The following MAP4 variants were observed in gnomAD, a reference collection of about 807,000 sequenced individuals.
MAP4 encodes the protein microtubule associated protein 4, also known as microtubule-associated protein 4.
A neutral mutation model predicts 170.2 loss-of-function variants in MAP4; 76 were observed. That is an observed-to-expected ratio of 0.45 (90% CI 0.37 to 0.54). MAP4 has a LOEUF of 0.54. Among genes scored for constraint, MAP4 ranks in the 20% least tolerant of loss-of-function variants. The pLI, the probability that MAP4 is intolerant of heterozygous loss-of-function variation, is 0.00. For missense variants in MAP4, 2,506 were observed against 2,748.0 expected, an observed-to-expected ratio of 0.91 and a Z score of 1.97; for synonymous variants, 909 against 994.5, an observed-to-expected ratio of 0.91 and a Z score of 1.62.
Position 47,911,262 on chromosome 3 carries a change from C to T in MAP4, c.3159G>A (p.Lys1053=). ...QVPGVENEPF[K]RMAGDGKSRK... ...TGCTTTTGCCATCACCTGCCATTCT[C>T]TTAAATGGTTCATTCTCTACCCCAG... Residue 1053 remains lysine (K), a synonymous_variant, in exon 9 of 21, where the codon AAG becomes AAA. Coordinates refer to ENST00000683076, the MANE Select transcript of MAP4 (RefSeq NM_001385682.1). This position sits in a 1 kb window ranked among gnomAD's most constrained non-coding sequence, Gnocchi z 4.0. 2 of 1,536,142 alleles carry T rather than the reference C, an allele frequency of 1.3e-6. No homozygotes were observed. The highest frequency in any genetic ancestry group is 8.7e-7 in the Non-Finnish European group (1 of 1,146,916).
chr3:48,087,725 ACGCGCACACACACGCACG>A (rs1166524810), intron 1 of MAP4, among the ~76,000 whole-genome samples: 6 of 136,556 alleles, frequency 4.4e-5, no homozygotes, highest in East Asian at 2.2e-4. Context: ...ATACACACGC[ACGCGCACACACACGCACG>A]CGCACACACA....
chr3:47,887,104 G>A (rs1577080673), intron 10 of MAP4, among the ~76,000 whole-genome samples: 2 of 152,376 alleles, frequency 1.3e-5, no homozygotes, highest in African/African-American at 2.4e-5. Flanking sequence ...CCACTTTGGC[G>A]GCACTTGAGG....
intron 17 of MAP4, among the ~76,000 whole-genome samples, chr3:47,860,365 G>A (rs1256638850): frequency 6.6e-6 from 1 of 152,154 alleles, no homozygotes; most frequent in East Asian, 1.9e-4. Context: ...GCTAATTTTT[G>A]CATTTTTTTG....
intron 5 of MAP4, among the ~76,000 whole-genome samples, chr3:47,919,281 C>T (rs1050114118): frequency 1.3e-5 from 2 of 151,492 alleles, no homozygotes; most frequent in Non-Finnish European, 1.5e-5. Context: ...CAGGAAGACA[C>T]AGACTAATAA....
At chr3:47,918,081 C>T (rs2100040739) in intron 6 of MAP4, among the ~76,000 whole-genome samples, 2 of 152,322 alleles carry the variant, frequency 1.3e-5, no homozygotes, top group Middle Eastern at 3.4e-3. Flanking sequence ...CTTCCGGTTT[C>T]AAGTGATTCT....
At chr3:48,010,179 C>T (rs554315408) in intron 1 of MAP4, among the ~76,000 whole-genome samples, 66 of 152,132 alleles carry the variant, frequency 4.3e-4, no homozygotes, top group Middle Eastern at 3.2e-3. Context: ...AGGTTTGGAT[C>T]ACTCCACCAG....
rs145398305 is a variant in MAP4 at position 47,962,090 on chromosome 3, C to T, written c.292+15775G>A. Among the ~76,000 whole-genome samples the T allele has an allele frequency of 4.6e-5, 7 of 152,296 alleles. No homozygotes were observed. In the East Asian group the frequency reaches 1.2e-3, roughly 25 times the overall value. On this transcript the variant is annotated intron_variant, in intron 3 of 20. Transcript: ENST00000683076. ...AGCCTAGAAGTTACCTTATCTGATT[C>T]CCAGAAACTTCCAGCCCCTTTTCCA...
intron 1 of MAP4, among the ~76,000 whole-genome samples, chr3:48,060,679 C>T (rs749555770): frequency 3.3e-5 from 5 of 151,168 alleles, no homozygotes; most frequent in Non-Finnish European, 5.9e-5. Flanking sequence ...TTTGGGAGGC[C>T]GAGGGAGATG....
chr3:47,893,773 T>TA (rs1559941230), intron 10 of MAP4, among the ~76,000 whole-genome samples: 288 of 151,928 alleles, frequency 1.9e-3, no homozygotes, highest in African/African-American at 6.8e-3. Context: ...TTTTTTTTTT[T>TA]TAAAAAAAGG....
intron 1 of MAP4, among the ~76,000 whole-genome samples, chr3:48,059,290 A>G (rs1230032418): frequency 2.6e-5 from 4 of 151,868 alleles, no homozygotes; most frequent in African/African-American, 9.7e-5. Flanking sequence ...CAAGGTGGGG[A>G]GATTGCCTGA....
intron 10 of MAP4, chr3:47,891,950 G>C: frequency 2.0e-6 from 3 of 1,536,182 alleles, no homozygotes; most frequent in Non-Finnish European, 1.7e-6. Flanking sequence ...CCAAACACTG[G>C]TTTCCTGCTC....
At chr3:47,895,431 G>A (rs974543322) in intron 10 of MAP4, among the ~76,000 whole-genome samples, 6 of 152,230 alleles carry the variant, frequency 3.9e-5, no homozygotes, top group African/African-American at 1.2e-4. Flanking sequence ...CTCAAAGTAT[G>A]ACTTCAACCT....
intron 3 of MAP4, among the ~76,000 whole-genome samples, chr3:47,940,947 G>A (rs995456277): frequency 1.3e-5 from 2 of 151,818 alleles, no homozygotes; most frequent in Admixed American, 6.6e-5. Flanking sequence ...GTGCAATCTC[G>A]GCTCACTGTA....
At chr3:48,031,892 TAC>T (rs139294227) in intron 1 of MAP4, among the ~76,000 whole-genome samples, 106 of 147,028 alleles carry the variant, frequency 7.2e-4, no homozygotes, top group East Asian at 3.0e-3. Context: ...CACACACACA[TAC>T]ACACACACAC....
intron 3 of MAP4, among the ~76,000 whole-genome samples, chr3:47,976,855 C>T (rs1686964976): frequency 6.6e-6 from 1 of 152,180 alleles, no homozygotes; most frequent in Non-Finnish European, 1.5e-5. Context: ...ATATATACAA[C>T]TTTCCTATGG....
At chr3:47,940,688 T>G (rs370431418) in intron 3 of MAP4, among the ~76,000 whole-genome samples, 2 of 152,208 alleles carry the variant, frequency 1.3e-5, no homozygotes. Context: ...CTGTCACATA[T>G]GATCCATTCC....
chr3:48,055,194 C>A (rs149079463), intron 1 of MAP4, among the ~76,000 whole-genome samples: 1 of 98,652 alleles, frequency 1.0e-5, no homozygotes, highest in African/African-American at 3.0e-5. Context: ...CTCCCTCTCC[C>A]TCTCCGTCTC....
In MAP4 at chr3:47,921,713, G is replaced by A. The variant is rs1043402268; in HGVS notation, c.529+52C>T. 4.6e-6 allele frequency: 5 copies of A among 1,091,262 alleles called. No homozygotes were observed. The African/African-American group carries it at 6.2e-5, about 14-fold the overall frequency. The allele number at this position is 1,091,262 out of a possible 1,614,324, so 67.6% of individuals were successfully genotyped here. A position where few individuals can be genotyped will look rare whatever the true frequency, so the allele number is the denominator to read the frequency against. On this transcript the variant is annotated intron_variant, in intron 5 of 20. Coordinates refer to ENST00000683076, the MANE Select transcript of MAP4 (RefSeq NM_001385682.1). ...AGTCAGTGAACCAAAGATGAGTAAA[G>A]AAAAAATTTTTTTCCTTCCCTACAG...
In MAP4 at chr3:47,988,193, C is replaced by CA. The variant is rs769431827; in HGVS notation, c.224-10261dup. 5.3e-3 allele frequency among the ~76,000 whole-genome samples: 394 copies of CA among 73,806 alleles called. 3 individuals are homozygous for CA. The highest frequency in any genetic ancestry group is 0.021 in the South Asian group (47 of 2,206). 48.4% of individuals were successfully genotyped at this position (73,806 alleles called of 152,430 possible). On this transcript the variant is annotated intron_variant, in intron 2 of 20. Coordinates refer to ENST00000683076, the MANE Select transcript of MAP4 (RefSeq NM_001385682.1). ...TGGGTGACATAGCAAGACTCCGTCTCAAAAAAAAAAAAAAAGAAAGCAAAG... is the reference window on the plus strand; with the variant it reads ...TGGGTGACATAGCAAGACTCCGTCTCAAAAAAAAAAAAAAAAGAAAGCAAAG...
Sources: gnomAD v4.1 joint callset for allele counts (sites outside exome capture counted in the v4.1 genomes callset) on GRCh38, gnomAD v4.1.1 for gene constraint, Gnocchi (gnomAD v3.1) non-coding constraint, MANE v1.5 for transcripts, NCBI Gene and HGNC (gene_info 2026-07-23, HGNC 2026-07-21) for gene names.